Variants in IFT52 observed in about 807,000 individuals in gnomAD.
IFT52 encodes the protein intraflagellar transport 52.
In IFT52, 44 loss-of-function variants were observed where a neutral mutation model predicts 54.4. The ratio of observed to expected loss-of-function variants is 0.81; its 90% confidence interval spans 0.63 to 1.04. The LOEUF (loss-of-function observed/expected upper bound fraction) is 1.04. Among genes scored for constraint, IFT52 ranks in the 50% least tolerant of loss-of-function variants. IFT52 has a pLI of 0.00. For missense variants in IFT52, 452 were observed against 523.6 expected, an observed-to-expected ratio of 0.86 and a Z score of 1.33; for synonymous variants, 181 against 185.3, an observed-to-expected ratio of 0.98 and a Z score of 0.19.
intron 6 of IFT52, among the ~76,000 whole-genome samples, chr20:43,606,036 C>T (rs1445337256): frequency 2.0e-5 from 3 of 152,066 alleles, no homozygotes; most frequent in Non-Finnish European, 4.4e-5. Flanking sequence ...GCCTGGCTAA[C>T]ATGGCGAAAC....
chr20:43,595,190 C>T (rs566710049), intron 2 of IFT52, among the ~76,000 whole-genome samples: 52 of 151,792 alleles, frequency 3.4e-4, no homozygotes, highest in Non-Finnish European at 5.0e-4. Flanking sequence ...TGGTGGTGGG[C>T]GCCTGTAATC....
At chr20:43,614,291 G>A (rs1291678505) in intron 7 of IFT52, among the ~76,000 whole-genome samples, 1 of 150,532 alleles carries the variant, frequency 6.6e-6, no homozygotes, top group African/African-American at 2.5e-5. Flanking sequence ...CTGGAGTGCA[G>A]TGGTGCAATC....
At chr20:43,634,135 C>T (rs994324877) in intron 10 of IFT52, among the ~76,000 whole-genome samples, 1 of 151,552 alleles carries the variant, frequency 6.6e-6, no homozygotes, top group Non-Finnish European at 1.5e-5. Context: ...TATGATCATA[C>T]CACTGCACTC....
At chr20:43,599,598 A>C (rs1416579570) in intron 3 of IFT52, among the ~76,000 whole-genome samples, 3 of 152,096 alleles carry the variant, frequency 2.0e-5, no homozygotes, top group Non-Finnish European at 1.5e-5. Flanking sequence ...CAATGGGCTC[A>C]TGCTTGTGAG....
intron 6 of IFT52, among the ~76,000 whole-genome samples, chr20:43,606,178 A>T (rs2145603619): frequency 6.6e-6 from 1 of 151,582 alleles, no homozygotes; most frequent in Non-Finnish European, 1.5e-5. Context: ...CTGCCATCGT[A>T]CCATTGCACT....
chr20:43,608,566 T>A (rs546040195), intron 6 of IFT52, among the ~76,000 whole-genome samples: 1 of 152,284 alleles, frequency 6.6e-6, no homozygotes, highest in East Asian at 1.9e-4. Context: ...CCAGTAAAAA[T>A]TGACATTCTT....
At position 43,647,007 on chromosome 20, in the gene IFT52, T is replaced by C; in HGVS notation, c.*24T>C. 1 of 1,601,578 alleles carries C rather than the reference T, an allele frequency of 6.2e-7. No individual in the cohort carries two copies. Reference sequence around the variant, plus strand: ...GAAGACCATGCCTCTTGAAGCTTTTTCTGCCTCCTGATTCTCTCTTTGTAA... The same window carrying C: ...GAAGACCATGCCTCTTGAAGCTTTTCCTGCCTCCTGATTCTCTCTTTGTAA... On this transcript the variant is annotated 3_prime_UTR_variant, in exon 14 of 14. Transcript: ENST00000373030.
Position 43,642,547 on chromosome 20 carries a change from C to T in IFT52, c.1189C>T (p.Pro397Ser), listed in dbSNP as rs764053825. The T allele has an allele frequency of 4.3e-6, 7 of 1,613,998 alleles. No individual in the cohort carries two copies. In the African/African-American group the frequency reaches 8.0e-5, roughly 18 times the overall value. Residue 397 changes from proline (P) to serine (S), a missense_variant, in exon 13 of 14, where the codon CCA (proline) becomes TCA (serine). Pro to Ser is a moderately conservative substitution (Grantham distance 74, BLOSUM62 -1). Transcript: ENST00000373030. ...TATTCTTGGAGTAACCAGTAAACTA[C>T]CAAAGGACCAACAGGATGCCAAACA... ...GDILGVTSKL[P>S]KDQQDAKHIL...
intron 10 of IFT52, among the ~76,000 whole-genome samples, chr20:43,626,979 A>G (rs1320277038): frequency 9.2e-5 from 14 of 152,192 alleles, no homozygotes; most frequent in African/African-American, 3.4e-4. Context: ...AGCCTGGCCA[A>G]CATGGTGAAA....
chr20:43,593,968 G>A (rs72626515), intron 1 of IFT52, among the ~76,000 whole-genome samples: 4,314 of 152,182 alleles, frequency 0.028, 81 homozygotes, highest in Middle Eastern at 0.099. Flanking sequence ...TAATGCATAT[G>A]GTAAGATCCT....
intron 10 of IFT52, among the ~76,000 whole-genome samples, chr20:43,631,744 T>C (rs992233080): frequency 2.0e-5 from 3 of 152,250 alleles, no homozygotes; most frequent in Middle Eastern, 3.4e-3. Flanking sequence ...GGAGTCACTC[T>C]GGCTGGCCTG....
intron 2 of IFT52, among the ~76,000 whole-genome samples, chr20:43,596,230 A>C (rs1340624671): frequency 1.3e-5 from 2 of 152,226 alleles, no homozygotes. Context: ...ACTTACTGGA[A>C]GTATTTGAAC....
intron 10 of IFT52, among the ~76,000 whole-genome samples, chr20:43,633,003 C>T (rs1017498489): frequency 1.6e-4 from 25 of 151,522 alleles, no homozygotes; most frequent in Non-Finnish European, 1.5e-5. Context: ...CACATTTTGT[C>T]TCTTTTTAAT....
intron 8 of IFT52, among the ~76,000 whole-genome samples, chr20:43,619,960 A>C (rs1158724051): frequency 1.8e-5 from 2 of 111,898 alleles, no homozygotes; most frequent in Non-Finnish European, 3.3e-5. Flanking sequence ...TCTGTCACCC[A>C]GGCTGGAGTG....
chr20:43,632,089 C>T (rs1039493790), intron 10 of IFT52, among the ~76,000 whole-genome samples: 1 of 151,298 alleles, frequency 6.6e-6, no homozygotes, highest in Non-Finnish European at 1.5e-5. Flanking sequence ...CCATACCTGG[C>T]TAATTTTGTA....
intron 10 of IFT52, among the ~76,000 whole-genome samples, chr20:43,628,710 G>T (rs563190492): frequency 6.6e-6 from 1 of 152,270 alleles, no homozygotes; most frequent in African/African-American, 2.4e-5. Flanking sequence ...AATCAGCCGA[G>T]CTTGGTGGTG....
intron 3 of IFT52, among the ~76,000 whole-genome samples, chr20:43,598,328 G>T (rs974655434): frequency 1.3e-5 from 2 of 152,248 alleles, no homozygotes; most frequent in Admixed American, 6.6e-5. Flanking sequence ...TGCTTAATAG[G>T]TATAGAGTTT....
At chr20:43,640,834 G>A (rs1264435993) in intron 12 of IFT52, among the ~76,000 whole-genome samples, 1 of 152,056 alleles carries the variant, frequency 6.6e-6, no homozygotes, top group African/African-American at 2.4e-5. Flanking sequence ...TCACGAGTTC[G>A]AGACCAGCTT....
chr20:43,610,152 C>T (rs1439383551), intron 6 of IFT52, among the ~76,000 whole-genome samples: 3 of 150,532 alleles, frequency 2.0e-5, no homozygotes, highest in East Asian at 4.0e-4. Flanking sequence ...CTTAGCCAGA[C>T]GTGGTGGCAC....
Sources: allele counts gnomAD v4.1 joint callset (sites outside exome capture counted in the v4.1 genomes callset), GRCh38; gene constraint gnomAD v4.1.1; transcripts MANE v1.5; gene names NCBI Gene and HGNC (gene_info 2026-07-23, HGNC 2026-07-21).